TRIM45: variants seen among roughly 807,000 people sequenced by gnomAD.
TRIM45 encodes tripartite motif containing 45.
A neutral mutation model predicts 46.7 loss-of-function variants in TRIM45; 45 were observed. The observed-to-expected ratio is 0.96, with a 90% CI of 0.76 to 1.24. The LOEUF is 1.24. TRIM45 is among the 50% of genes most tolerant of loss of function. The pLI, the probability that TRIM45 is intolerant of heterozygous loss-of-function variation, is 0.00. For synonymous variants in TRIM45, 259 were observed against 285.8 expected (o/e 0.91, Z 0.94); for missense variants, 680 against 728.4 (o/e 0.93, Z 0.77).
At position 117,118,578 on chromosome 1, in the gene TRIM45, G is replaced by C. The variant is rs1255374370; in HGVS notation, c.678C>G (p.Phe226Leu). Reference sequence around the variant, plus strand: ...CATGCTTGTGGATGACATTGCTGGTGAAGTCACAGGGGTGTTCCCGATGCT... The same window carrying C: ...CATGCTTGTGGATGACATTGCTGGTCAAGTCACAGGGGTGTTCCCGATGCT... Reference protein sequence around the residue: ...VGEHREHPCDFTSNVIHKHGD... With the variant: ...VGEHREHPCDLTSNVIHKHGD... The change falls in exon 2 of 6, where the codon TTC becomes TTG. Residue 226 changes from phenylalanine (F) to leucine (L), a missense_variant. Around this residue, in one of 3 missense-constraint regions of TRIM45, gnomAD observed 349 missense variants for 343.6 expected, o/e 1.02. Coordinates refer to ENST00000256649, the MANE Select transcript of TRIM45 (RefSeq NM_025188.4). This position sits in a 1 kb window ranked among gnomAD's most constrained non-coding sequence, Gnocchi z 5.7. 1 of 1,614,178 alleles carries C rather than the reference G, an allele frequency of 6.2e-7. No individual in the cohort carries two copies.
upstream of TRIM45, among the ~76,000 whole-genome samples, chr1:117,123,057 A>AC (rs567713773): frequency 0.021 from 2,965 of 141,250 alleles, 61 homozygotes; most frequent in East Asian, 0.11. Context: ...AAAAAAAAAA[A>AC]CCATTATAAA....
chr1:117,114,967 A>G (rs1279591303), intron 4 of TRIM45, among the ~76,000 whole-genome samples: 1 of 152,148 alleles, frequency 6.6e-6, no homozygotes, highest in Non-Finnish European at 1.5e-5. Context: ...GTATCACCCA[A>G]TTTTTAAAAA....
chr1:117,121,755 C>T, upstream of TRIM45: 1 of 694,538 alleles, frequency 1.4e-6, no homozygotes, highest in Non-Finnish European at 2.7e-6. This position sits in a 1 kb window ranked among gnomAD's most constrained non-coding sequence, Gnocchi z 4.2. Context: ...CTGGCCCCTC[C>T]TCACACCAAT....
In TRIM45 at chr1:117,118,074, G is replaced by A; in HGVS notation, c.1182C>T (p.Thr394=). The change falls in exon 2 of 6, where the codon ACC becomes ACT. Residue 394 remains threonine, a synonymous_variant. Coordinates refer to ENST00000256649, the MANE Select transcript of TRIM45 (RefSeq NM_025188.4). This position sits in a 1 kb window ranked among gnomAD's most constrained non-coding sequence, Gnocchi z 5.7. The part of the protein sequence containing the change: ...RGYEIYGTIN[T]KEVDPAKCVL... Reference sequence around the variant, plus strand: ...CACATTTGGCTGGATCAACCTCTTTGGTATTAATCGTACCATAAATTTCAT... The same window carrying A: ...CACATTTGGCTGGATCAACCTCTTTAGTATTAATCGTACCATAAATTTCAT... The A allele has an allele frequency of 6.2e-7, 1 of 1,614,106 alleles. No individual in the cohort carries two copies. The highest frequency in any genetic ancestry group is 8.5e-7 in the Non-Finnish European group (1 of 1,180,012).
At chr1:117,121,989 G>A (rs1399178459), upstream of TRIM45, 4 of 602,434 alleles carry the variant, frequency 6.6e-6, no homozygotes, top group Admixed American at 1.1e-4. The surrounding 1 kb of genome is among the most constrained non-coding windows in gnomAD (Gnocchi z 4.2). Flanking sequence ...CCAAGGCTCG[G>A]AGCGAGCGGC....
Position 117,118,741 on chromosome 1 carries a change from G to T in TRIM45, c.515C>A (p.Thr172Asn), listed in dbSNP as rs781456284. ...HRRQKKTTYHTMVDLKDLKGY... is the reference protein window; with the variant it reads ...HRRQKKTTYHNMVDLKDLKGY... Reference sequence around the variant, plus strand: ...TTTCAAGTCTTTTAGGTCCACCATGGTGTGGTAAGTCGTTTTCTTCTGCCG... The same window carrying T: ...TTTCAAGTCTTTTAGGTCCACCATGTTGTGGTAAGTCGTTTTCTTCTGCCG... The change falls in exon 2 of 6, where the codon ACC becomes AAC. Residue 172 changes from threonine (T) to asparagine (N), a missense_variant. Thr to Asn is a moderately conservative substitution (Grantham distance 65, BLOSUM62 0). Coordinates refer to ENST00000256649, the MANE Select transcript of TRIM45 (RefSeq NM_025188.4). This position sits in a 1 kb window ranked among gnomAD's most constrained non-coding sequence, Gnocchi z 5.7. 65 of 1,612,954 alleles carry T rather than the reference G, an allele frequency of 4.0e-5. No individual in the cohort carries two copies. Among genetic ancestry groups the T allele is most frequent in the Admixed American group, 8.3e-5 (5 of 60,004 alleles).
At position 117,113,542 on chromosome 1, in the gene TRIM45, T is replaced by C. The variant is rs756600044; in HGVS notation, c.1468-57A>G. 34 of 1,586,762 alleles carry C rather than the reference T, an allele frequency of 2.1e-5. No individual in the cohort carries two copies. Among genetic ancestry groups the C allele is most frequent in the Middle Eastern group, 2.2e-4 (1 of 4,610 alleles). ...CATCTTACGAGTTAACAGGATGTGC[T>C]GCGCATCACTATGTGCTAAACAGAG... is the stretch of plus-strand genomic sequence containing the variant. On this transcript the variant is annotated intron_variant, in intron 4 of 5. Coordinates refer to ENST00000256649, the MANE Select transcript of TRIM45 (RefSeq NM_025188.4). This position sits in a 1 kb window ranked among gnomAD's most constrained non-coding sequence, Gnocchi z 4.0.
In TRIM45 at chr1:117,118,005, CTCAATG is replaced by C. The variant is rs754013535; in HGVS notation, c.1222+23_1222+28del. 4 of 1,594,702 alleles carry C rather than the reference CTCAATG, an allele frequency of 2.5e-6. No homozygotes were observed. The highest frequency in any genetic ancestry group is 1.8e-4 in the Middle Eastern group (1 of 5,622). On this transcript the variant is annotated intron_variant, in intron 2 of 5. Coordinates refer to ENST00000256649, the MANE Select transcript of TRIM45 (RefSeq NM_025188.4). This position sits in a 1 kb window ranked among gnomAD's most constrained non-coding sequence, Gnocchi z 5.7. Reference sequence around the variant, plus strand: ...ACACCACCTCCCTGTCCACTGCCCTCTCAATGTCAATGGGAAATGCCTTCCTACCTT... The same window carrying C: ...ACACCACCTCCCTGTCCACTGCCCTCTCAATGGGAAATGCCTTCCTACCTT...
At chr1:117,123,615 C>T (rs909382941), upstream of TRIM45, among the ~76,000 whole-genome samples, 1 of 151,548 alleles carries the variant, frequency 6.6e-6, no homozygotes, top group African/African-American at 2.4e-5. Context: ...CGGGCTACCT[C>T]TACCTTTCCC....
rs1162233904 is a variant in TRIM45 at position 117,121,129 on chromosome 1, C to T, written c.73G>A (p.Gly25Ser). The change falls in exon 1 of 6, where the codon GGC becomes AGC. Residue 25 changes from glycine to serine, a missense_variant. Gly to Ser is a moderately conservative substitution (Grantham distance 56, BLOSUM62 0). Around this residue, in one of 3 missense-constraint regions of TRIM45, gnomAD observed 349 missense variants for 343.6 expected, o/e 1.02. Coordinates refer to ENST00000256649, the MANE Select transcript of TRIM45 (RefSeq NM_025188.4). The surrounding 1 kb of genome is among the most constrained non-coding windows in gnomAD (Gnocchi z 4.2). ...LTSGTALGNS[G>S]KTHCPLCLGL... ...AAGCACAGGGGGCAGTGAGTCTTGCCTGAGTTCCCAAGTGCAGTCCCACTA... is the reference window on the plus strand; with the variant it reads ...AAGCACAGGGGGCAGTGAGTCTTGCTTGAGTTCCCAAGTGCAGTCCCACTA... 2 of 1,610,998 alleles carry T rather than the reference C, an allele frequency of 1.2e-6. No homozygotes were observed. The highest frequency in any genetic ancestry group is 1.7e-6 in the Non-Finnish European group (2 of 1,178,598).
Position 117,121,715 on chromosome 1 carries a change from C to A in TRIM45, c.-514G>T. On this transcript the variant is annotated 5_prime_UTR_variant, in exon 1 of 6. Transcript: ENST00000256649. This position sits in a 1 kb window ranked among gnomAD's most constrained non-coding sequence, Gnocchi z 4.2. ...GGCTTCTCGGTGTCCACCGCCTCTCCCGCGCCTCGGCCCGGGACGCCCGCG... is the reference window on the plus strand; with the variant it reads ...GGCTTCTCGGTGTCCACCGCCTCTCACGCGCCTCGGCCCGGGACGCCCGCG... 1 of 585,898 alleles carries A rather than the reference C, an allele frequency of 1.7e-6. No individual in the cohort carries two copies. The highest frequency in any genetic ancestry group is 3.1e-6 in the Non-Finnish European group (1 of 326,058). The allele number at this position is 585,898 out of a possible 1,614,324, so 36.3% of individuals were successfully genotyped here. A position where few individuals can be genotyped will look rare whatever the true frequency, so the allele number is the denominator to read the frequency against.
rs1169410248 is a variant in TRIM45, at chr1:117,117,627, T to C, written c.1222+407A>G. Among the ~76,000 whole-genome samples the C allele has an allele frequency of 6.6e-6, 1 of 152,162 alleles. No individual in the cohort carries two copies. The highest frequency in any genetic ancestry group is 1.5e-5 in the Non-Finnish European group (1 of 68,028). The stretch of plus-strand genomic sequence containing the variant: ...GGAAACCGTAATCTCATCTTCCTCA[T>C]TCCTCTGAAACTCCCTTCAGAACTT... On this transcript the variant is annotated intron_variant, in intron 2 of 5. Coordinates refer to ENST00000256649, the MANE Select transcript of TRIM45 (RefSeq NM_025188.4). The surrounding 1 kb of genome is among the most constrained non-coding windows in gnomAD (Gnocchi z 4.9).
chr1:117,116,239 T>G lies in TRIM45; in HGVS notation c.1352+377A>C, dbSNP rs1331950467. On this transcript the variant is annotated intron_variant, in intron 3 of 5. Transcript: ENST00000256649. This position sits in a 1 kb window ranked among gnomAD's most constrained non-coding sequence, Gnocchi z 4.6. ...CTAGTGAGTTACACTCCAATATCTT[T>G]TTTTTTTTTTTGGACCTGGGGTCTT... Among the ~76,000 whole-genome samples the G allele has an allele frequency of 6.6e-6, 1 of 151,074 alleles. No individual in the cohort carries two copies. The highest frequency in any genetic ancestry group is 1.5e-5 in the Non-Finnish European group (1 of 67,630).
chr1:117,113,365 T>TG lies in TRIM45; in HGVS notation c.1587dup (p.Met530HisfsTer28), dbSNP rs1650289947. 1 of 1,611,990 alleles carries TG rather than the reference T, an allele frequency of 6.2e-7. No homozygotes were observed. The highest frequency in any genetic ancestry group is 8.5e-7 in the Non-Finnish European group (1 of 1,179,870). On this transcript the variant is annotated frameshift_variant, in exon 5 of 6. Transcript: ENST00000256649. LOFTEE classifies it high-confidence loss of function. This position sits in a 1 kb window ranked among gnomAD's most constrained non-coding sequence, Gnocchi z 4.0. The stretch of plus-strand genomic sequence containing the variant: ...GGTAGTGCTTTCTCCTTACCTGGCA[T>TG]GGTGCCTCCACAGGCGCAGCGAGCG...
At chr1:117,114,978 C>T (rs1650345668) in intron 4 of TRIM45, among the ~76,000 whole-genome samples, 1 of 152,174 alleles carries the variant, frequency 6.6e-6, no homozygotes, top group Non-Finnish European at 1.5e-5. Flanking sequence ...TTTTTAAAAA[C>T]TCATACTCTC....
In TRIM45 at chr1:117,111,985, GAA is replaced by G. The variant is rs1045077759; in HGVS notation, c.*318_*319del. 1.0e-5 allele frequency: 2 copies of G among 192,880 alleles called. No homozygotes were observed. Among genetic ancestry groups the G allele is most frequent in the Non-Finnish European group, 2.1e-5 (2 of 96,378 alleles). 11.9% of individuals were successfully genotyped at this position (192,880 alleles called of 1,614,324 possible). A position where few individuals can be genotyped will look rare whatever the true frequency, so the allele number is the denominator to read the frequency against. On this transcript the variant is annotated 3_prime_UTR_variant, in exon 6 of 6. Coordinates refer to ENST00000256649, the MANE Select transcript of TRIM45 (RefSeq NM_025188.4). ...AAAAGAAAAAAAAAGGGTTATATCA[GAA>G]AGGAACTAAACTACCTAGACCCTTC...
upstream of TRIM45, chr1:117,122,000 A>C (rs989693969): frequency 1.7e-6 from 1 of 578,818 alleles, no homozygotes; most frequent in East Asian, 3.2e-5. The surrounding 1 kb of genome is among the most constrained non-coding windows in gnomAD (Gnocchi z 4.2). Flanking sequence ...AGCGAGCGGC[A>C]TAGTGTAGTC....
rs1384669185 is a variant in TRIM45 at position 117,113,912 on chromosome 1, C to T, written c.1468-427G>A. On this transcript the variant is annotated intron_variant, in intron 4 of 5. Transcript: ENST00000256649. This position sits in a 1 kb window ranked among gnomAD's most constrained non-coding sequence, Gnocchi z 4.0. ...CTTAAGCTTTTCTTGATGGATTCTG[C>T]CTCACTCTATCCTTGTATGAAGTAT... is the stretch of plus-strand genomic sequence containing the variant. Among the ~76,000 whole-genome samples the T allele has an allele frequency of 2.0e-5, 3 of 152,190 alleles. No individual in the cohort carries two copies. The highest frequency in any genetic ancestry group is 4.4e-5 in the Non-Finnish European group (3 of 68,044).
At chr1:117,122,735 C>T (rs1164282296), upstream of TRIM45, 1 of 152,190 alleles carries the variant, frequency 6.6e-6, no homozygotes, top group Non-Finnish European at 1.5e-5. Context: ...ACACGTCCGA[C>T]CCCTTTAACT....
Sources: allele counts gnomAD v4.1 joint callset (sites outside exome capture counted in the v4.1 genomes callset), GRCh38; gene constraint gnomAD v4.1.1; regional missense constraint gnomAD v4.1.1; non-coding constraint Gnocchi (gnomAD v3.1); transcripts MANE v1.5; gene names NCBI Gene and HGNC (gene_info 2026-07-23, HGNC 2026-07-21).